Variants in GON4L observed in about 807,000 individuals in gnomAD.
GON4L encodes the protein GON-4-like protein.
Under a neutral mutation model 211.8 loss-of-function variants are expected in GON4L, and 87 were observed. That is an observed-to-expected ratio of 0.41 (90% confidence interval 0.35 to 0.49). The LOEUF is 0.49. Among genes scored for constraint, GON4L ranks in the 20% least tolerant of loss-of-function variants. The pLI, the probability that GON4L is intolerant of heterozygous loss-of-function variation, is 0.15. For missense variants in GON4L, 2,155 were observed against 2,659.5 expected (o/e 0.81, Z 4.17); for synonymous variants, 875 against 962.6 (o/e 0.91, Z 1.68).
chr1:155,784,226 C>T (rs1437593643), intron 13 of GON4L, 137 bp from the exon 14 acceptor site: 9 of 1,226,408 alleles, frequency 7.3e-6, no homozygotes, highest in Non-Finnish European at 1.0e-5. Flanking sequence ...AATGTCAGAA[C>T]TTTCTCACTT....
intron 8 of GON4L, 97 bp downstream of exon 8, chr1:155,815,706 AAG>A: frequency 1.3e-6 from 1 of 759,650 alleles, no homozygotes; most frequent in Non-Finnish European, 2.4e-6. Context: ...GAGCTGAAAA[AAG>A]AACCATGTCT....
chr1:155,824,039 A>G (rs1048737560), intron 3 of GON4L, among the ~76,000 whole-genome samples: 2 of 152,184 alleles, frequency 1.3e-5, no homozygotes, highest in Admixed American at 6.6e-5. Flanking sequence ...AACGAAAAAG[A>G]AGTACACATG....
At chr1:155,754,147 A>G in intron 28 of GON4L, 1 of 579,956 alleles carries the variant, frequency 1.7e-6, no homozygotes, top group Non-Finnish European at 3.1e-6. Flanking sequence ...TTTAACTGGT[A>G]TTTTGTTTTT....
rs527460314 is a variant in GON4L, at chr1:155,750,753, G to A, written c.6577-20C>T. 17 of 1,556,296 alleles carry A rather than the reference G, an allele frequency of 1.1e-5. No individual in the cohort carries two copies. Among genetic ancestry groups the A allele is most frequent in the Admixed American group, 7.8e-5 (4 of 51,248 alleles). ...GGAAACCTAAGAAAGGAGGAGGGCT[G>A]TATTCACTGGTCTTTTTTTTTTGTT... On this transcript the variant is annotated intron_variant, in intron 31 of 31. Coordinates refer to ENST00000368331, the MANE Select transcript of GON4L (RefSeq NM_001282860.2).
upstream of GON4L, among the ~76,000 whole-genome samples, chr1:155,858,916 A>C (rs528265393): frequency 4.6e-5 from 7 of 151,976 alleles, no homozygotes; most frequent in South Asian, 1.5e-3. Flanking sequence ...GCTGGTCTCG[A>C]ACTCCTGACC....
intron 12 of GON4L, among the ~76,000 whole-genome samples, chr1:155,793,782 A>T (rs755813798): frequency 5.3e-5 from 8 of 151,804 alleles, no homozygotes; most frequent in Non-Finnish European, 1.2e-4. Context: ...CTAATTTCTT[A>T]AATTTTTAGT....
At chr1:155,804,007 TTCTTTCACTTGCATCA>T (rs1361449032) in intron 11 of GON4L, among the ~76,000 whole-genome samples, 1 of 152,184 alleles carries the variant, frequency 6.6e-6, no homozygotes, top group East Asian at 1.9e-4. Context: ...AGAGTTAGGA[TTCTTTCACTTGCATCA>T]TGAAGACCCT....
chr1:155,840,596 A>C (rs1368579369), intron 2 of GON4L, among the ~76,000 whole-genome samples: 1 of 152,138 alleles, frequency 6.6e-6, no homozygotes, highest in Non-Finnish European at 1.5e-5. Flanking sequence ...GCTATTAACT[A>C]ATCAATGTGC....
At chr1:155,842,768 C>T (rs1270893278) in intron 2 of GON4L, among the ~76,000 whole-genome samples, 2 of 148,404 alleles carry the variant, frequency 1.3e-5, no homozygotes, top group Admixed American at 6.8e-5. Flanking sequence ...ACCCGGGAGG[C>T]GGAGGTTGCA....
chr1:155,779,446 A>G (rs963788702), intron 14 of GON4L, among the ~76,000 whole-genome samples: 1 of 150,908 alleles, frequency 6.6e-6, no homozygotes, highest in Non-Finnish European at 1.5e-5. Flanking sequence ...CCTCCTGAGT[A>G]GCTGGGACTA....
intron 12 of GON4L, among the ~76,000 whole-genome samples, chr1:155,787,775 A>AAAAT (rs1212314512): frequency 2.0e-5 from 3 of 152,038 alleles, no homozygotes; most frequent in South Asian, 2.1e-4. Context: ...CTCCATCTCA[A>AAAAT]AAATAAATAA....
intron 11 of GON4L, among the ~76,000 whole-genome samples, chr1:155,799,477 G>A (rs1666422171): frequency 6.6e-6 from 1 of 152,004 alleles, no homozygotes; most frequent in African/African-American, 2.4e-5. Context: ...TAAGAAAAGA[G>A]GATTTTCACC....
At chr1:155,762,465 T>C (rs1399676617) in intron 22 of GON4L, 91 bp from the exon 23 acceptor site, 5 of 1,042,064 alleles carry the variant, frequency 4.8e-6, no homozygotes, top group East Asian at 2.5e-5. Context: ...CCAAATCCTA[T>C]TCAATATTAT....
chr1:155,782,699 GTCTC>G (rs1325028929), intron 14 of GON4L, among the ~76,000 whole-genome samples: 1 of 151,804 alleles, frequency 6.6e-6, no homozygotes, highest in Non-Finnish European at 1.5e-5. Context: ...TTGAGACAGA[GTCTC>G]TCTCTGTCAA....
intron 20 of GON4L, 31 bp from the exon 21 acceptor site, chr1:155,766,740 A>C: frequency 1.2e-6 from 2 of 1,613,288 alleles, no homozygotes; most frequent in Non-Finnish European, 1.7e-6. Flanking sequence ...CTGATCCAGC[A>C]TATGTCAGAA....
intron 1 of GON4L, among the ~76,000 whole-genome samples, chr1:155,855,268 ATCTTTC>A (rs1327094850): frequency 6.6e-6 from 1 of 151,958 alleles, no homozygotes; most frequent in Non-Finnish European, 1.5e-5. Context: ...ATGGTCTCTC[ATCTTTC>A]TCTTTCTCAT....
intron 16 of GON4L, among the ~76,000 whole-genome samples, chr1:155,776,074 G>A (rs1663789757): frequency 6.6e-6 from 1 of 152,202 alleles, no homozygotes; most frequent in Non-Finnish European, 1.5e-5. Flanking sequence ...TAGCCACCGT[G>A]CCCAGTCTCA....
rs1202015816 is a variant in GON4L at position 155,857,207 on chromosome 1, CCAA to C, written c.-90_-88del. ...CGGCTTTGGCACCACCGGAAGTCAG[CCAA>C]CAACAGCGAATTGCGTGCGCGTCCC... On this transcript the variant is annotated 5_prime_UTR_variant, in exon 1 of 32. Coordinates refer to ENST00000368331, the MANE Select transcript of GON4L (RefSeq NM_001282860.2). The C allele has an allele frequency of 1.3e-5, 2 of 152,592 alleles. No individual in the cohort carries two copies. The highest frequency in any genetic ancestry group is 4.8e-5 in the African/African-American group (2 of 41,472). 9.5% of individuals were successfully genotyped at this position (152,592 alleles called of 1,614,324 possible).
intron 13 of GON4L, 22 bp from the exon 14 acceptor site, chr1:155,784,111 G>A: frequency 6.2e-7 from 1 of 1,612,666 alleles, no homozygotes; most frequent in Non-Finnish European, 8.5e-7. Context: ...GGAAAGGGAG[G>A]GTTTTCCTGG....
Sources: allele counts gnomAD v4.1 joint callset (sites outside exome capture counted in the v4.1 genomes callset), GRCh38; gene constraint gnomAD v4.1.1; transcripts MANE v1.5; gene names NCBI Gene and HGNC (gene_info 2026-07-23, HGNC 2026-07-21).